The following NUP93 variants were observed in gnomAD, a reference collection of about 807,000 sequenced individuals.
The protein encoded by NUP93 is nuclear pore complex protein Nup93.
NUP93 carries 55 observed loss-of-function variants against 107.8 expected under a neutral mutation model. The observed-to-expected ratio is 0.51, with a 90% CI of 0.41 to 0.64. NUP93 has a LOEUF of 0.64. Ranked by LOEUF, NUP93 falls within the 30% of genes least tolerant of loss-of-function variation. The pLI, the probability that NUP93 is intolerant of heterozygous loss-of-function variation, is 0.00. For missense variants in NUP93, 937 were observed against 1,044.7 expected, an observed-to-expected ratio of 0.90 and a Z score of 1.42; for synonymous variants, 390 against 397.5, an observed-to-expected ratio of 0.98 and a Z score of 0.22.
At chr16:56,790,706 A>G (rs1477190688) in intron 3 of NUP93, among the ~76,000 whole-genome samples, 1 of 152,214 alleles carries the variant, frequency 6.6e-6, no homozygotes, top group Non-Finnish European at 1.5e-5. Flanking sequence ...GAGCTGAAGC[A>G]AAGTAATGGT....
At chr16:56,822,560 T>TTTC in intron 7 of NUP93, among the ~76,000 whole-genome samples, 2 of 39,930 alleles carry the variant, frequency 5.0e-5, no homozygotes, top group Non-Finnish European at 8.8e-5. Context: ...CTTTCTTTTC[T>TTTC]TTTCTTTTTT....
chr16:56,826,143 G>A (rs1306639941), intron 8 of NUP93, among the ~76,000 whole-genome samples: 1 of 152,140 alleles, frequency 6.6e-6, no homozygotes, highest in East Asian at 1.9e-4. Context: ...AATTCAAATT[G>A]GAAGAGACCA....
chr16:56,739,675 G>A (rs1166896977), intron 1 of NUP93, among the ~76,000 whole-genome samples: 1 of 113,152 alleles, frequency 8.8e-6, no homozygotes, highest in Non-Finnish European at 1.9e-5. Context: ...GCGGAGGGCT[G>A]ACCCCCCCAC....
intron 8 of NUP93, among the ~76,000 whole-genome samples, chr16:56,827,545 A>G (rs183852481): frequency 2.6e-5 from 4 of 152,354 alleles, no homozygotes; most frequent in East Asian, 1.9e-4. Flanking sequence ...AATCATATCT[A>G]GTGTTACCAA....
intron 1 of NUP93, among the ~76,000 whole-genome samples, chr16:56,733,077 A>G (rs988152367): frequency 6.6e-6 from 1 of 152,170 alleles, no homozygotes; most frequent in Non-Finnish European, 1.5e-5. Flanking sequence ...GGGATGTGTT[A>G]TAGAGAGTGT....
intron 3 of NUP93, among the ~76,000 whole-genome samples, chr16:56,774,287 C>T (rs1476428504): frequency 3.3e-5 from 5 of 152,242 alleles, no homozygotes; most frequent in South Asian, 4.2e-4. Flanking sequence ...TTAAATACAC[C>T]GTCTGCTATC....
intron 5 of NUP93, among the ~76,000 whole-genome samples, chr16:56,809,005 A>C (rs1184785842): frequency 4.6e-5 from 7 of 151,928 alleles, no homozygotes; most frequent in Non-Finnish European, 1.0e-4. Context: ...ATGAGACTGT[A>C]TGTTCTTATC....
At chr16:56,758,790 A>G (rs1962073080) in intron 3 of NUP93, 135 bp downstream of exon 3, 2 of 640,014 alleles carry the variant, frequency 3.1e-6, no homozygotes, top group South Asian at 1.8e-5. Context: ...TTAAGAGAAC[A>G]GTAGATTCAG....
intron 5 of NUP93, among the ~76,000 whole-genome samples, chr16:56,807,887 T>G (rs1457674183): frequency 6.6e-6 from 1 of 151,392 alleles, no homozygotes; most frequent in Non-Finnish European, 1.5e-5. Flanking sequence ...CTGGGCCTGG[T>G]GGCGTGTGCC....
At chr16:56,773,193 G>T (rs1358810881) in intron 3 of NUP93, among the ~76,000 whole-genome samples, 1 of 152,210 alleles carries the variant, frequency 6.6e-6, no homozygotes, top group Non-Finnish European at 1.5e-5. Context: ...TAAGTAGGGG[G>T]AGAACGGGGA....
chr16:56,740,083 C>G (rs1297399536), intron 1 of NUP93, among the ~76,000 whole-genome samples: 6 of 128,942 alleles, frequency 4.7e-5, no homozygotes, highest in African/African-American at 1.9e-4. Flanking sequence ...GGCTCACCCC[C>G]CCACCTCCCT....
chr16:56,806,503 C>CT (rs1168768584), intron 5 of NUP93, among the ~76,000 whole-genome samples: 1 of 152,264 alleles, frequency 6.6e-6, no homozygotes, highest in East Asian at 1.9e-4. Flanking sequence ...CTCAGGGTCT[C>CT]TAAGCACAAT....
chr16:56,753,460 ACTATAGC>A lies in NUP93; in HGVS notation c.179+5037_179+5043del, dbSNP rs1961960708. 3.3e-5 allele frequency among the ~76,000 whole-genome samples: 5 copies of A among 152,186 alleles called. No individual in the cohort carries two copies. In the South Asian group the frequency reaches 1.0e-3, roughly 32 times the overall value. On this transcript the variant is annotated intron_variant, in intron 2 of 21. Transcript: ENST00000308159. ...GTCAGTAAAACATTTTCTGTGGGGA[ACTATAGC>A]CTTGCTACTTTGAGTGTAGTCAATG...
At chr16:56,811,100 T>C (rs1358194942) in intron 5 of NUP93, among the ~76,000 whole-genome samples, 4 of 152,208 alleles carry the variant, frequency 2.6e-5, no homozygotes, top group Non-Finnish European at 5.9e-5. Context: ...GGTGAGCACA[T>C]ATTTGCATCT....
intron 3 of NUP93, among the ~76,000 whole-genome samples, chr16:56,774,381 C>T (rs1170178697): frequency 6.6e-6 from 1 of 152,134 alleles, no homozygotes; most frequent in Non-Finnish European, 1.5e-5. Flanking sequence ...TCCTCTCATT[C>T]TCATTTTGTT....
At chr16:56,805,995 G>T (rs1250279691) in intron 5 of NUP93, among the ~76,000 whole-genome samples, 1 of 150,716 alleles carries the variant, frequency 6.6e-6, no homozygotes, top group Non-Finnish European at 1.5e-5. Context: ...TACGCCTGCA[G>T]CCTTGAACCT....
At chr16:56,737,729 G>C (rs1387793461) in intron 1 of NUP93, among the ~76,000 whole-genome samples, 1 of 151,806 alleles carries the variant, frequency 6.6e-6, no homozygotes, top group Non-Finnish European at 1.5e-5. Flanking sequence ...GCTGTGTGTG[G>C]TATACCAAGG....
intron 3 of NUP93, among the ~76,000 whole-genome samples, chr16:56,777,788 C>A (rs182712383): frequency 9.2e-5 from 14 of 152,194 alleles, no homozygotes; most frequent in Admixed American, 9.2e-4. Flanking sequence ...GGTACATTGG[C>A]CAAGAACCGC....
chr16:56,833,482 A>G (rs1963844072), intron 13 of NUP93, 76 bp downstream of exon 13: 1 of 1,207,322 alleles, frequency 8.3e-7, no homozygotes, highest in Non-Finnish European at 1.1e-6. Flanking sequence ...CCACAAAACC[A>G]CAACCAATAA....
Sources: allele counts gnomAD v4.1 joint callset (sites outside exome capture counted in the v4.1 genomes callset), GRCh38; gene constraint gnomAD v4.1.1; transcripts MANE v1.5; gene names NCBI Gene and HGNC (gene_info 2026-07-23, HGNC 2026-07-21).